Variants in CTBS observed in about 807,000 individuals in gnomAD.
CTBS encodes chitobiase, also known as di-N-acetylchitobiase.
CTBS carries 35 observed loss-of-function variants against 44.3 expected under a neutral mutation model. That is an observed-to-expected ratio of 0.79 (90% CI 0.60 to 1.05). The LOEUF is 1.05. CTBS is among the 50% of genes least tolerant of loss of function. The pLI, the probability that CTBS is intolerant of heterozygous loss-of-function variation, is 0.00. For synonymous variants in CTBS, 143 were observed against 168.0 expected, an observed-to-expected ratio of 0.85 and a Z score of 1.15; for missense variants, 458 against 475.3, an observed-to-expected ratio of 0.96 and a Z score of 0.34.
chr1:84,570,679 A>G lies in CTBS; in HGVS notation c.219T>C (p.Tyr73=), dbSNP rs1647276242. The G allele has an allele frequency of 1.9e-6, 3 of 1,614,076 alleles. No individual in the cohort carries two copies. The highest frequency in any genetic ancestry group is 2.5e-6 in the Non-Finnish European group (3 of 1,179,912). ...CCACAGTTGTAATCTGTGACCAATC[A>G]TAAGATTTCCAAGTTTTCTGTCCAA... ...FDVGQKTWKS[Y]DWSQITTVAT... Residue 73 remains tyrosine, a synonymous_variant, in exon 2 of 7, where the codon TAT becomes TAC. Transcript: ENST00000370630.
rs771875024 is a variant in CTBS, at chr1:84,563,390, G to A, written c.824C>T (p.Pro275Leu). The A allele has an allele frequency of 2.5e-6, 4 of 1,575,466 alleles. No individual in the cohort carries two copies. The highest frequency in any genetic ancestry group is 2.3e-5 in the East Asian group (1 of 42,642). Reference protein sequence around the residue: ...EDHVCTIAKVPFRGAPCSDAA... With the variant: ...EDHVCTIAKVLFRGAPCSDAA... The stretch of plus-strand genomic sequence containing the variant: ...GTCACTACAAGGAGCCCCCCGGAAA[G>A]GGACTTTTGCAATGGTACAAACATG... Residue 275 changes from proline to leucine, a missense_variant, in exon 6 of 7, where the codon CCT (proline) becomes CTT (leucine). Pro to Leu is a moderately conservative substitution (Grantham distance 98). Coordinates refer to ENST00000370630, the MANE Select transcript of CTBS (RefSeq NM_004388.3).
intron 3 of CTBS, among the ~76,000 whole-genome samples, chr1:84,568,635 C>T (rs1684741126): frequency 6.6e-6 from 1 of 152,164 alleles, no homozygotes; most frequent in South Asian, 2.1e-4. Context: ...TGGTTTGGAT[C>T]TGTGTCCCCG....
intron 5 of CTBS, 127 bp from the exon 6 acceptor site, chr1:84,563,545 G>A: frequency 1.4e-6 from 1 of 722,342 alleles, no homozygotes; most frequent in Non-Finnish European, 2.0e-6. Flanking sequence ...ACAGAAAAAA[G>A]GTTAAAATAA....
In CTBS at chr1:84,552,950, C is replaced by A; in HGVS notation, c.*2049G>T. 1 of 903,156 alleles carries A rather than the reference C, an allele frequency of 1.1e-6. No homozygotes were observed. The highest frequency in any genetic ancestry group is 1.7e-6 in the Non-Finnish European group (1 of 599,556). The allele number at this position is 903,156 out of a possible 1,614,324, so 55.9% of individuals were successfully genotyped here. A position where few individuals can be genotyped will look rare whatever the true frequency, so the allele number is the denominator to read the frequency against. On this transcript the variant is annotated 3_prime_UTR_variant, in exon 7 of 7. Coordinates refer to ENST00000370630, the MANE Select transcript of CTBS (RefSeq NM_004388.3). ...TGAGAGAAGACAGTTAAAGCGGTTA[C>A]AAAAACCCTGTTTACATGACAACTA...
At position 84,552,979 on chromosome 1, in the gene CTBS, T is replaced by C; in HGVS notation, c.*2020A>G. On this transcript the variant is annotated 3_prime_UTR_variant, in exon 7 of 7. Coordinates refer to ENST00000370630, the MANE Select transcript of CTBS (RefSeq NM_004388.3). ...AACCCTGTTTACATGACAACTATGA[T>C]GTACTTTTAGAAGGGTATGATGAAG... 1 of 1,143,848 alleles carries C rather than the reference T, an allele frequency of 8.7e-7. No individual in the cohort carries two copies. Among genetic ancestry groups the C allele is most frequent in the South Asian group, 1.5e-5 (1 of 68,096 alleles). The allele number at this position is 1,143,848 out of a possible 1,614,324, so 70.9% of individuals were successfully genotyped here.
chr1:84,558,616 AG>A (rs1157765214), intron 6 of CTBS, among the ~76,000 whole-genome samples: 1 of 149,546 alleles, frequency 6.7e-6, no homozygotes, highest in Non-Finnish European at 1.5e-5. Context: ...AAAAAAAAAA[AG>A]AGGCCAAGTG....
At chr1:84,555,295 A>AG in intron 6 of CTBS, 96 bp from the exon 7 acceptor site, 1 of 917,888 alleles carries the variant, frequency 1.1e-6, no homozygotes, top group South Asian at 2.3e-5. Context: ...GTACAGTAAG[A>AG]GGGAAAAAAG....
At chr1:84,570,199 G>C in intron 2 of CTBS, 60 bp from the exon 3 acceptor site, 1 of 1,429,572 alleles carries the variant, frequency 7.0e-7, no homozygotes, top group Non-Finnish European at 9.6e-7. Context: ...TATTTTGGAA[G>C]ACTAAGCCCT....
chr1:84,566,033 A>AT (rs771916453), intron 3 of CTBS, 21 bp from the exon 4 acceptor site: 45 of 1,467,072 alleles, frequency 3.1e-5, no homozygotes, highest in Non-Finnish European at 4.1e-5. Context: ...AAATCTTACT[A>AT]TTTTATGTAA....
At position 84,551,427 on chromosome 1, in the gene CTBS, T is replaced by A; in HGVS notation, c.*3572A>T. On this transcript the variant is annotated 3_prime_UTR_variant, in exon 7 of 7. Transcript: ENST00000370630. ...AATTAGCACTGTCCAACAGAACTTA[T>A]GTGATGATAGAAATGTTCTATGCCT... The A allele has an allele frequency of 2.4e-6, 1 of 425,032 alleles. No homozygotes were observed. The highest frequency in any genetic ancestry group is 3.1e-6 in the Non-Finnish European group (1 of 318,180). The allele number at this position is 425,032 out of a possible 1,614,324, so 26.3% of individuals were successfully genotyped here.
Position 84,574,181 on chromosome 1 carries a change from C to T in CTBS, c.177+58G>A, listed in dbSNP as rs755285918. Reference sequence around the variant, plus strand: ...ACCTCTCCTTAGGGCTCCGTTCTACCCTAACTTCTCTTCGTGCCCTGAAGC... The same window carrying T: ...ACCTCTCCTTAGGGCTCCGTTCTACTCTAACTTCTCTTCGTGCCCTGAAGC... On this transcript the variant is annotated intron_variant, in intron 1 of 6. Transcript: ENST00000370630. 6 of 1,572,308 alleles carry T rather than the reference C, an allele frequency of 3.8e-6. No homozygotes were observed. In the South Asian group the frequency reaches 7.0e-5, roughly 18 times the overall value.
intron 2 of CTBS, among the ~76,000 whole-genome samples, 159 bp downstream of exon 2, chr1:84,570,423 C>G (rs1359028205): frequency 2.0e-5 from 3 of 152,170 alleles, no homozygotes; most frequent in African/African-American, 7.2e-5. Flanking sequence ...TTAAAAAGAT[C>G]TGTGTTTGTG....
At chr1:84,562,887 AC>A (rs1380174261) in intron 6 of CTBS, among the ~76,000 whole-genome samples, 1 of 152,164 alleles carries the variant, frequency 6.6e-6, no homozygotes, top group East Asian at 1.9e-4. Flanking sequence ...TCTGTAGGCC[AC>A]TTTGAAATGG....
chr1:84,559,592 A>G (rs2102020597), intron 6 of CTBS, among the ~76,000 whole-genome samples: 1 of 152,350 alleles, frequency 6.6e-6, no homozygotes, highest in Non-Finnish European at 1.5e-5. Context: ...ACTGCACTCC[A>G]GCCTGGGTGA....
chr1:84,573,275 G>A (rs6681870), intron 1 of CTBS, among the ~76,000 whole-genome samples: 21,539 of 152,090 alleles, frequency 0.14, 3,755 homozygotes, highest in African/African-American at 0.42. Context: ...TTCCCTGTTC[G>A]GCCTATAAAA....
In CTBS at chr1:84,570,121, T is replaced by C; in HGVS notation, c.335A>G (p.Asp112Gly). The part of the protein sequence containing the change: ...VVLKGDVSLK[D>G]IIDPAFRASW... ...TGCTCTGAAAGCAGGATCAATGATATCCTTTAAGGATACATCTCCTGTGGA... is the reference window on the plus strand; with the variant it reads ...TGCTCTGAAAGCAGGATCAATGATACCCTTTAAGGATACATCTCCTGTGGA... Residue 112 changes from aspartate (D) to glycine (G), a missense_variant, in exon 3 of 7, where the codon GAT (aspartate) becomes GGT (glycine). Coordinates refer to ENST00000370630, the MANE Select transcript of CTBS (RefSeq NM_004388.3). The C allele has an allele frequency of 6.2e-7, 1 of 1,611,982 alleles. No individual in the cohort carries two copies.
At chr1:84,556,971 G>C (rs551685760) in intron 6 of CTBS, among the ~76,000 whole-genome samples, 1 of 152,250 alleles carries the variant, frequency 6.6e-6, no homozygotes, top group South Asian at 2.1e-4. Context: ...CAAACCCAAA[G>C]ACATATACCT....
At chr1:84,572,532 T>A (rs550312463) in intron 1 of CTBS, among the ~76,000 whole-genome samples, 1 of 151,892 alleles carries the variant, frequency 6.6e-6, no homozygotes, top group Non-Finnish European at 1.5e-5. Context: ...AAAACGCCAG[T>A]AGAGAAAAAG....
At chr1:84,565,295 TG>T (rs1684670128) in intron 4 of CTBS, among the ~76,000 whole-genome samples, 1 of 152,048 alleles carries the variant, frequency 6.6e-6, no homozygotes, top group Admixed American at 6.6e-5. Flanking sequence ...AAGAGGATAA[TG>T]CAAAGCCTAC....
Sources: gnomAD v4.1 joint callset for allele counts (sites outside exome capture counted in the v4.1 genomes callset) on GRCh38, gnomAD v4.1.1 for gene constraint, MANE v1.5 for transcripts, NCBI Gene and HGNC (gene_info 2026-07-23, HGNC 2026-07-21) for gene names.